The following PRKCH variants were observed in gnomAD, a reference collection of about 807,000 sequenced individuals.
PRKCH encodes the protein protein kinase C eta type.
Under a neutral mutation model 82.5 loss-of-function variants are expected in PRKCH, and 28 were observed. The ratio of observed to expected loss-of-function variants is 0.34; its 90% CI spans 0.25 to 0.47. The LOEUF (loss-of-function observed/expected upper bound fraction) is 0.47, where lower values mean the gene tolerates loss of function less well. Ranked by LOEUF, PRKCH falls within the 20% of genes least tolerant of loss-of-function variation. The pLI is 1.00. For synonymous variants in PRKCH, 322 were observed against 327.4 expected, an observed-to-expected ratio of 0.98 and a Z score of 0.18; for missense variants, 705 against 881.8, an observed-to-expected ratio of 0.80 and a Z score of 2.54.
chr14:61,276,287 T>C (rs1010780567), intron 1 of PRKCH, among the ~76,000 whole-genome samples: 3 of 151,984 alleles, frequency 2.0e-5, no homozygotes, highest in Non-Finnish European at 4.4e-5. Flanking sequence ...AGCTCTGTTT[T>C]AGGTAGAGAG....
intron 1 of PRKCH, among the ~76,000 whole-genome samples, chr14:61,189,629 TTC>T (rs908301883): frequency 6.6e-6 from 1 of 151,818 alleles, no homozygotes; most frequent in Admixed American, 6.6e-5. Flanking sequence ...CTTCCTCCCT[TTC>T]TCTCTGTCTT....
chr14:61,219,941 A>C (rs984211488), intron 1 of PRKCH, among the ~76,000 whole-genome samples: 1 of 152,198 alleles, frequency 6.6e-6, no homozygotes, highest in Admixed American at 6.5e-5. Flanking sequence ...AGTATGTAAG[A>C]CTAGAGAACC....
chr14:61,394,296 G>A (rs1021805566), intron 2 of PRKCH, among the ~76,000 whole-genome samples: 1 of 151,976 alleles, frequency 6.6e-6, no homozygotes, highest in Non-Finnish European at 1.5e-5. Context: ...GTTACAATTT[G>A]GGGGGGTGTT....
intron 11 of PRKCH, among the ~76,000 whole-genome samples, chr14:61,529,853 T>TC (rs1429137688): frequency 6.6e-6 from 1 of 151,116 alleles, no homozygotes; most frequent in African/African-American, 2.4e-5. Context: ...CATGTATACA[T>TC]ATGTAACTAA....
intron 10 of PRKCH, 61 bp downstream of exon 10, chr14:61,485,717 C>G: frequency 6.6e-7 from 1 of 1,521,148 alleles, no homozygotes; most frequent in Non-Finnish European, 9.0e-7. Flanking sequence ...CTGGTATGAT[C>G]CATCCTTCCA....
chr14:61,374,036 G>A (rs2046398450), intron 1 of PRKCH, among the ~76,000 whole-genome samples: 1 of 152,162 alleles, frequency 6.6e-6, no homozygotes, highest in Admixed American at 6.5e-5. Flanking sequence ...AAGATGCAAT[G>A]GGGGTACAGG....
intron 1 of PRKCH, among the ~76,000 whole-genome samples, chr14:61,387,009 T>C (rs2046598019): frequency 6.7e-6 from 1 of 149,684 alleles, no homozygotes; most frequent in Non-Finnish European, 1.5e-5. Flanking sequence ...CTGTTCTCTT[T>C]CTGTCCCTCA....
chr14:61,538,840 T>C (rs1298072288), intron 12 of PRKCH, among the ~76,000 whole-genome samples: 1 of 152,244 alleles, frequency 6.6e-6, no homozygotes, highest in African/African-American at 2.4e-5. Context: ...CCAAAGATAA[T>C]GCGCATCCAG....
At chr14:61,429,267 C>T (rs1418048661) in intron 2 of PRKCH, among the ~76,000 whole-genome samples, 1 of 152,144 alleles carries the variant, frequency 6.6e-6, no homozygotes, top group Non-Finnish European at 1.5e-5. Context: ...ATACCATTTT[C>T]ATCAGGATTA....
intron 1 of PRKCH, among the ~76,000 whole-genome samples, chr14:61,237,451 C>T (rs934261558): frequency 3.1e-4 from 47 of 152,234 alleles, no homozygotes; most frequent in East Asian, 1.9e-4. Flanking sequence ...TCATCCTGAT[C>T]GAGGAGAGAA....
intron 5 of PRKCH, 131 bp from the exon 6 acceptor site, chr14:61,450,711 G>A (rs965905657): frequency 1.7e-5 from 18 of 1,074,286 alleles, no homozygotes; most frequent in Middle Eastern, 2.4e-4. Context: ...TCAGGGCTGA[G>A]TACAGTAAAA....
At chr14:61,419,266 G>A (rs1185921614) in intron 2 of PRKCH, among the ~76,000 whole-genome samples, 8 of 152,214 alleles carry the variant, frequency 5.3e-5, no homozygotes, top group Admixed American at 5.2e-4. Context: ...GTCCAGGCAG[G>A]TGTCCTAGAG....
At chr14:61,528,747 G>A (rs1019954168) in intron 10 of PRKCH, 11 of 192,102 alleles carry the variant, frequency 5.7e-5, no homozygotes, top group African/African-American at 1.9e-4. Flanking sequence ...TGGGGTATAG[G>A]CTGAGTATGA....
At chr14:61,393,310 C>T (rs889853432) in intron 2 of PRKCH, among the ~76,000 whole-genome samples, 5 of 152,132 alleles carry the variant, frequency 3.3e-5, no homozygotes, top group African/African-American at 1.2e-4. Context: ...CAAAATCCTG[C>T]TGTATTTTGA....
At chr14:61,207,295 C>G (rs1385445696) in intron 1 of PRKCH, among the ~76,000 whole-genome samples, 1 of 151,974 alleles carries the variant, frequency 6.6e-6, no homozygotes, top group Non-Finnish European at 1.5e-5. Flanking sequence ...CATGTGGAAC[C>G]CTGTCCCTGT....
intron 1 of PRKCH, among the ~76,000 whole-genome samples, chr14:61,218,636 TA>T (rs770617396): frequency 1.3e-4 from 19 of 151,218 alleles, no homozygotes; most frequent in African/African-American, 3.2e-4. Context: ...TTTGGCAGCT[TA>T]AAAAAAAAGT....
intron 11 of PRKCH, 94 bp downstream of exon 11, chr14:61,529,307 G>A: frequency 6.9e-7 from 1 of 1,445,738 alleles, no homozygotes; most frequent in Admixed American, 2.2e-5. Flanking sequence ...CTGCAGCTTT[G>A]GAGGCAGCAT....
chr14:61,543,224 G>T (rs143849158), intron 12 of PRKCH: 2 of 152,264 alleles, frequency 1.3e-5, no homozygotes, highest in African/African-American at 4.8e-5. Context: ...TAGAACTAGC[G>T]TCAGGAGGGA....
At chr14:61,514,837 A>G (rs540859499) in intron 10 of PRKCH, among the ~76,000 whole-genome samples, 1 of 152,304 alleles carries the variant, frequency 6.6e-6, no homozygotes, top group Non-Finnish European at 1.5e-5. Context: ...AAGTCATATA[A>G]CAGCCCAGAC....
Sources: gnomAD v4.1 joint callset for allele counts (sites outside exome capture counted in the v4.1 genomes callset) on GRCh38, gnomAD v4.1.1 for gene constraint, MANE v1.5 for transcripts, NCBI Gene and HGNC (gene_info 2026-07-23, HGNC 2026-07-21) for gene names.